Variants in KLF7 observed in about 807,000 individuals in gnomAD.
The protein encoded by KLF7 is Krueppel-like factor 7.
A neutral mutation model predicts 27.3 loss-of-function variants in KLF7; 2 were observed. That is an observed-to-expected ratio of 0.07 (90% CI 0.03 to 0.23). KLF7 has a LOEUF of 0.23. Among genes scored for constraint, KLF7 ranks in the 10% least tolerant of loss-of-function variants. KLF7 has a pLI of 1.00. For missense variants in KLF7, 221 were observed against 394.1 expected (o/e 0.56, Z 3.72); for synonymous variants, 165 against 162.4 (o/e 1.02, Z -0.12).
chr2:207,147,794 T>C (rs1474964159), intron 1 of KLF7, among the ~76,000 whole-genome samples: 1 of 152,206 alleles, frequency 6.6e-6, no homozygotes, highest in Non-Finnish European at 1.5e-5. Flanking sequence ...TGTAACACGA[T>C]ATGCCGGATA....
chr2:207,113,775 AT>A (rs1559132053), intron 2 of KLF7, among the ~76,000 whole-genome samples: 3 of 152,150 alleles, frequency 2.0e-5, no homozygotes, highest in African/African-American at 4.8e-5. Context: ...TGTCTGTTGC[AT>A]TTTCCCCCTC....
chr2:207,159,053 T>C (rs1207812835), intron 1 of KLF7, among the ~76,000 whole-genome samples: 1 of 152,192 alleles, frequency 6.6e-6, no homozygotes, highest in Non-Finnish European at 1.5e-5. Context: ...CTTTCAAGAT[T>C]TGAAATTCTG....
In KLF7 at chr2:207,088,532, T is replaced by C; in HGVS notation, c.783A>G (p.Ala261=). 1 of 1,614,116 alleles carries C rather than the reference T, an allele frequency of 6.2e-7. No individual in the cohort carries two copies. Among genetic ancestry groups the C allele is most frequent in the Non-Finnish European group, 8.5e-7 (1 of 1,179,974 alleles). Residue 261 remains alanine, a synonymous_variant, in exon 3 of 4, where the codon GCA becomes GCG. Coordinates refer to ENST00000309446, the MANE Select transcript of KLF7 (RefSeq NM_003709.4). ...AGTGCCTCGTGAGCTCATCGCTTCG[T>C]GCAAAACGCCACTCACATCCCTCCC... ...CSWEGCEWRF[A]RSDELTRHYR...
intron 2 of KLF7, among the ~76,000 whole-genome samples, chr2:207,097,525 G>A (rs1285321375): frequency 3.9e-5 from 6 of 152,184 alleles, no homozygotes; most frequent in Non-Finnish European, 7.3e-5. Flanking sequence ...ACTCAAACTG[G>A]AGCCCAGCCT....
At chr2:207,090,643 GT>G (rs67592707) in intron 2 of KLF7, among the ~76,000 whole-genome samples, 11,323 of 152,224 alleles carry the variant, frequency 0.074, 518 homozygotes, top group Middle Eastern at 0.12. Context: ...AGAAAGCCAA[GT>G]CTACAGACAT....
intron 2 of KLF7, among the ~76,000 whole-genome samples, chr2:207,122,885 T>C (rs1187030241): frequency 1.3e-5 from 2 of 152,012 alleles, no homozygotes; most frequent in Non-Finnish European, 2.9e-5. Flanking sequence ...AAACCACCAA[T>C]CACAGTAATT....
intron 2 of KLF7, among the ~76,000 whole-genome samples, chr2:207,107,767 C>A (rs929119589): frequency 8.5e-5 from 13 of 152,210 alleles, no homozygotes; most frequent in Admixed American, 7.9e-4. Flanking sequence ...GCTCACAGTT[C>A]TCTCTGCAGC....
intron 2 of KLF7, among the ~76,000 whole-genome samples, chr2:207,090,878 C>G (rs995024403): frequency 6.6e-6 from 1 of 152,104 alleles, no homozygotes; most frequent in Admixed American, 6.5e-5. Context: ...AAGGGGAAAT[C>G]TGGCACAAAC....
rs754250188 is a variant in KLF7, at chr2:207,124,304, G to C, written c.203C>G (p.Pro68Arg). The change falls in exon 2 of 4, where the codon CCG becomes CGG. Residue 68 changes from proline (P) to arginine (R), a missense_variant. Pro to Arg is a moderately radical substitution (Grantham distance 103). Coordinates refer to ENST00000309446, the MANE Select transcript of KLF7 (RefSeq NM_003709.4). ...LDCFLHASPP[P>R]CIEESFRRLD... ...GCGACGGAAGCTTTCCTCAATGCACGGGGGAGGGGAAGCGTGGAGGAAACA... is the reference window on the plus strand; with the variant it reads ...GCGACGGAAGCTTTCCTCAATGCACCGGGGAGGGGAAGCGTGGAGGAAACA... 3 of 1,613,546 alleles carry C rather than the reference G, an allele frequency of 1.9e-6. No individual in the cohort carries two copies. The highest frequency in any genetic ancestry group is 1.7e-6 in the Non-Finnish European group (2 of 1,179,558).
chr2:207,112,036 G>A (rs1249479996), intron 2 of KLF7, among the ~76,000 whole-genome samples: 2 of 151,750 alleles, frequency 1.3e-5, no homozygotes, highest in African/African-American at 4.9e-5. Flanking sequence ...ACAGTCTGCT[G>A]TCAACAAAGA....
intron 2 of KLF7, among the ~76,000 whole-genome samples, chr2:207,122,596 G>A (rs1407436499): frequency 6.6e-6 from 1 of 152,122 alleles, no homozygotes; most frequent in Admixed American, 6.5e-5. Context: ...ACAGGCTCAA[G>A]GTCACAGAGC....
intron 1 of KLF7, among the ~76,000 whole-genome samples, chr2:207,129,021 G>A (rs2077552937): frequency 6.6e-6 from 1 of 152,158 alleles, no homozygotes; most frequent in Non-Finnish European, 1.5e-5. Flanking sequence ...ATTGAACTAT[G>A]GTTGCGTAAC....
In KLF7 at chr2:207,079,150, C is replaced by T. The variant is rs1219076050; in HGVS notation, c.*2063G>A. 1 of 151,438 alleles carries T rather than the reference C, an allele frequency of 6.6e-6. No homozygotes were observed. The highest frequency in any genetic ancestry group is 1.5e-5 in the Non-Finnish European group (1 of 67,952). 9.4% of individuals were successfully genotyped at this position (151,438 alleles called of 1,614,324 possible). On this transcript the variant is annotated 3_prime_UTR_variant, in exon 4 of 4. Coordinates refer to ENST00000309446, the MANE Select transcript of KLF7 (RefSeq NM_003709.4). ...AAAGTAAATTCTTAGGGCCAGACCT[C>T]GAAATGCCCCAAGTGTCCAATTGGC...
At chr2:207,161,685 A>G (rs2078551029) in intron 1 of KLF7, among the ~76,000 whole-genome samples, 1 of 152,228 alleles carries the variant, frequency 6.6e-6, no homozygotes, top group Admixed American at 6.5e-5. Context: ...GTTTTCCCCT[A>G]GAGATTCCTT....
At chr2:207,104,369 T>C (rs1160310269) in intron 2 of KLF7, among the ~76,000 whole-genome samples, 4 of 152,088 alleles carry the variant, frequency 2.6e-5, no homozygotes, top group African/African-American at 7.2e-5. Flanking sequence ...ATGTTATACG[T>C]AAACAAACTA....
At position 207,083,833 on chromosome 2, in the gene KLF7, T is replaced by A. The variant is rs2543594; in HGVS notation, c.858-2569A>T. Among the ~76,000 whole-genome samples, 6 of 152,170 alleles carry A rather than the reference T, an allele frequency of 3.9e-5. No homozygotes were observed. In the East Asian group the frequency reaches 5.8e-4, roughly 15 times the overall value. On this transcript the variant is annotated intron_variant, in intron 3 of 3. Coordinates refer to ENST00000309446, the MANE Select transcript of KLF7 (RefSeq NM_003709.4). The stretch of plus-strand genomic sequence containing the variant: ...TGATAGAACCAGAGAGATGTCAGCA[T>A]GAGAAGGACTCAACAGCTTTAATGA...
intron 1 of KLF7, among the ~76,000 whole-genome samples, chr2:207,125,383 T>TA (rs1553531766): frequency 6.6e-6 from 1 of 152,210 alleles, no homozygotes; most frequent in Non-Finnish European, 1.5e-5. Context: ...GAATCTTGTA[T>TA]AAAACTATGT....
At position 207,081,059 on chromosome 2, in the gene KLF7, ATATGTG is replaced by A. The variant is rs1322794827; in HGVS notation, c.*148_*153del. The A allele has an allele frequency of 1.2e-4, 53 of 455,066 alleles. No individual in the cohort carries two copies. The Middle Eastern group carries it at 1.9e-3, about 16-fold the overall frequency. 28.2% of individuals were successfully genotyped at this position (455,066 alleles called of 1,614,324 possible). On this transcript the variant is annotated 3_prime_UTR_variant, in exon 4 of 4. Coordinates refer to ENST00000309446, the MANE Select transcript of KLF7 (RefSeq NM_003709.4). ...TGTGTGTGGGTCTGTGAGTGTGTGT[ATATGTG>A]TGTGTGTGTGTGTGTGTGTACAGAG...
chr2:207,121,109 T>C (rs1020430277), intron 2 of KLF7: 13 of 152,354 alleles, frequency 8.5e-5, no homozygotes, highest in African/African-American at 3.1e-4. Context: ...CTTTCTATGT[T>C]GTGGGAGGAA....
Sources: gnomAD v4.1 joint callset for allele counts (sites outside exome capture counted in the v4.1 genomes callset) on GRCh38, gnomAD v4.1.1 for gene constraint, MANE v1.5 for transcripts, NCBI Gene and HGNC (gene_info 2026-07-23, HGNC 2026-07-21) for gene names.